USH2A: variants seen among roughly 807,000 people sequenced by gnomAD.
USH2A encodes the protein usherin, also known as Usher syndrome 2A (autosomal recessive, mild).
USH2A carries 443 observed loss-of-function variants against 538.9 expected under a neutral mutation model. That is an observed-to-expected ratio of 0.82 (90% CI 0.76 to 0.89). USH2A has a LOEUF of 0.89. USH2A is among the 40% of genes least tolerant of loss of function. USH2A has a pLI of 0.00. For missense variants in USH2A, 6,633 were observed against 6,324.8 expected (o/e 1.05, Z -1.65); for synonymous variants, 2,413 against 2,273.5 (o/e 1.06, Z -1.75).
At chr1:216,284,165 T>C (rs948021700) in intron 11 of USH2A, among the ~76,000 whole-genome samples, 1 of 152,158 alleles carries the variant, frequency 6.6e-6, no homozygotes, top group Non-Finnish European at 1.5e-5. Context: ...TAATAAATTA[T>C]TTCTGTTTCC....
At chr1:215,815,114 T>C (rs930031547) in intron 48 of USH2A, among the ~76,000 whole-genome samples, 1 of 130,532 alleles carries the variant, frequency 7.7e-6, no homozygotes, top group African/African-American at 2.6e-5. Context: ...AACTGAACTT[T>C]ACAATTTTTT....
intron 61 of USH2A, among the ~76,000 whole-genome samples, chr1:215,695,129 T>C (rs1658760488): frequency 6.6e-6 from 1 of 152,212 alleles, no homozygotes; most frequent in Admixed American, 6.5e-5. Context: ...TGAGACATTC[T>C]TATCAATGGG....
intron 61 of USH2A, among the ~76,000 whole-genome samples, chr1:215,718,423 C>T (rs1279747984): frequency 6.6e-6 from 1 of 152,174 alleles, no homozygotes; most frequent in Non-Finnish European, 1.5e-5. Flanking sequence ...AATCTGGGAA[C>T]ACTAGAGAAG....
intron 61 of USH2A, among the ~76,000 whole-genome samples, chr1:215,703,623 C>T (rs529302410): frequency 6.6e-6 from 1 of 152,224 alleles, no homozygotes; most frequent in South Asian, 2.1e-4. Flanking sequence ...GAGGGGAAAA[C>T]CACCTACTCA....
intron 37 of USH2A, among the ~76,000 whole-genome samples, chr1:215,965,095 C>T (rs1370055934): frequency 1.3e-5 from 2 of 152,104 alleles, no homozygotes; most frequent in Non-Finnish European, 2.9e-5. Flanking sequence ...AGCTCTACAA[C>T]GTACATTTCT....
intron 15 of USH2A, among the ~76,000 whole-genome samples, chr1:216,213,520 T>C (rs2035285672): frequency 6.6e-6 from 1 of 152,042 alleles, no homozygotes; most frequent in Admixed American, 6.5e-5. Flanking sequence ...TTTGGATACC[T>C]ATGTGTCAAA....
rs1040698211 is a variant in USH2A at position 215,867,116 on chromosome 1, C to T, written c.8736G>A (p.Pro2912=). The change falls in exon 44 of 72, where the codon CCG becomes CCA. Residue 2912 remains proline, a synonymous_variant. Transcript: ENST00000307340. ...ACGTTGTCACAGTCACTTCTCGGCTCGGTGTAAAACCCACACTGTTGTGTA... is the reference window on the plus strand; with the variant it reads ...ACGTTGTCACAGTCACTTCTCGGCTTGGTGTAAAACCCACACTGTTGTGTA... The part of the protein sequence containing the change: ...LFVHNSVGFT[P]SREVTVTTLA... The T allele has an allele frequency of 8.7e-6, 14 of 1,613,920 alleles. No homozygotes were observed. Among genetic ancestry groups the T allele is most frequent in the East Asian group, 2.2e-5 (1 of 44,888 alleles).
At chr1:216,239,019 C>A (rs563018148) in intron 13 of USH2A, among the ~76,000 whole-genome samples, 54 of 151,276 alleles carry the variant, frequency 3.6e-4, no homozygotes, top group African/African-American at 1.3e-3. Context: ...CTGGCTACTG[C>A]AAACATCTGT....
chr1:216,203,520 T>C (rs1345448335), intron 16 of USH2A, among the ~76,000 whole-genome samples: 3 of 152,012 alleles, frequency 2.0e-5, no homozygotes, highest in Non-Finnish European at 2.9e-5. Flanking sequence ...AACAAAACCA[T>C]GGATAAGGGG....
chr1:215,989,504 G>A (rs1297345432), intron 35 of USH2A, among the ~76,000 whole-genome samples: 1 of 152,140 alleles, frequency 6.6e-6, no homozygotes, highest in Non-Finnish European at 1.5e-5. Flanking sequence ...GCACTGTATA[G>A]ATAAGAGTGA....
At chr1:215,846,190 G>A (rs1373406409) in intron 44 of USH2A, among the ~76,000 whole-genome samples, 157 bp from the exon 45 acceptor site, 2 of 152,040 alleles carry the variant, frequency 1.3e-5, no homozygotes, top group Non-Finnish European at 2.9e-5. Flanking sequence ...CCTTTTTGGT[G>A]GTGCTGGTGG....
chr1:215,953,238 A>G (rs531678857), intron 37 of USH2A, among the ~76,000 whole-genome samples: 1 of 152,304 alleles, frequency 6.6e-6, no homozygotes, highest in Admixed American at 6.5e-5. Context: ...TGGAACCAAA[A>G]AAAGAGCCCG....
chr1:216,101,576 C>T (rs1047062093), intron 21 of USH2A, among the ~76,000 whole-genome samples: 3 of 152,226 alleles, frequency 2.0e-5, no homozygotes, highest in Non-Finnish European at 4.4e-5. Context: ...ATAAGAAGAG[C>T]TGTGGATCAG....
At chr1:215,987,288 A>G (rs1481708069) in intron 35 of USH2A, among the ~76,000 whole-genome samples, 2 of 152,222 alleles carry the variant, frequency 1.3e-5, no homozygotes, top group Non-Finnish European at 2.9e-5. Flanking sequence ...AATCTACACA[A>G]TACAGGTCAC....
At chr1:215,924,769 T>C (rs1235799089) in intron 38 of USH2A, among the ~76,000 whole-genome samples, 4 of 151,990 alleles carry the variant, frequency 2.6e-5, no homozygotes, top group Non-Finnish European at 5.9e-5. Context: ...AAGAAAAAGA[T>C]GTGATTTTAT....
intron 20 of USH2A, among the ~76,000 whole-genome samples, chr1:216,183,194 C>A (rs1475625589): frequency 6.6e-6 from 1 of 151,846 alleles, no homozygotes; most frequent in Non-Finnish European, 1.5e-5. Context: ...TTTGTTTTGC[C>A]CCAGCCTGAA....
At chr1:216,210,192 G>A (rs1216797835) in intron 15 of USH2A, among the ~76,000 whole-genome samples, 2 of 151,806 alleles carry the variant, frequency 1.3e-5, no homozygotes, top group Non-Finnish European at 2.9e-5. Flanking sequence ...TTTCTACATA[G>A]TTGTCCATGT....
At chr1:215,646,759 T>C (rs925437127) in intron 67 of USH2A, among the ~76,000 whole-genome samples, 1 of 152,198 alleles carries the variant, frequency 6.6e-6, no homozygotes, top group African/African-American at 2.4e-5. Context: ...ACTCCTGACC[T>C]GAGGTGATTC....
At chr1:215,850,080 G>A (rs1280644770) in intron 44 of USH2A, among the ~76,000 whole-genome samples, 1 of 151,992 alleles carries the variant, frequency 6.6e-6, no homozygotes, top group African/African-American at 2.4e-5. Context: ...GAAAGTTTAA[G>A]AATTGCTGAT....
Sources: gnomAD v4.1 joint callset for allele counts (sites outside exome capture counted in the v4.1 genomes callset) on GRCh38, gnomAD v4.1.1 for gene constraint, MANE v1.5 for transcripts, NCBI Gene and HGNC (gene_info 2026-07-23, HGNC 2026-07-21) for gene names.